Variants in CDCP1 observed in about 807,000 individuals in gnomAD.
CDCP1 encodes the protein CUB domain containing protein 1.
A neutral mutation model predicts 60.2 loss-of-function variants in CDCP1; 29 were observed. That is an observed-to-expected ratio of 0.48 (90% confidence interval 0.36 to 0.66). CDCP1 has a LOEUF of 0.66. Ranked by LOEUF, CDCP1 falls within the 30% of genes least tolerant of loss-of-function variation. CDCP1 has a pLI of 0.00. For synonymous variants in CDCP1, 387 were observed against 431.1 expected (o/e 0.90, Z 1.27); for missense variants, 876 against 1,074.3 (o/e 0.82, Z 2.58).
intron 1 of CDCP1, among the ~76,000 whole-genome samples, chr3:45,121,232 G>A (rs371069175): frequency 1.3e-5 from 2 of 152,266 alleles, no homozygotes; most frequent in East Asian, 1.9e-4. Context: ...TATTCTCAGG[G>A]GCAGAAGTTT....
Position 45,089,184 on chromosome 3 carries a change from G to C in CDCP1, c.1994-43C>G, listed in dbSNP as rs767999906. 4 of 1,523,798 alleles carry C rather than the reference G, an allele frequency of 2.6e-6. No homozygotes were observed. The South Asian group carries it at 4.5e-5, about 17-fold the overall frequency. 94.4% of individuals were successfully genotyped at this position (1,523,798 alleles called of 1,614,324 possible). A position where few individuals can be genotyped will look rare whatever the true frequency, so the allele number is the denominator to read the frequency against. ...AAGAGACAGATGAAGAGGCAGCTGG[G>C]GTGAGCTCTGCAATGAACTTGAGGC... On this transcript the variant is annotated intron_variant, in intron 7 of 8. Coordinates refer to ENST00000296129, the MANE Select transcript of CDCP1 (RefSeq NM_022842.5).
At chr3:45,107,502 G>A (rs561896853) in intron 4 of CDCP1, among the ~76,000 whole-genome samples, 4 of 151,984 alleles carry the variant, frequency 2.6e-5, no homozygotes, top group Admixed American at 6.5e-5. Flanking sequence ...CACCGCGCCC[G>A]GCCCGTGTTG....
chr3:45,092,311 T>C (rs1208494711), intron 6 of CDCP1, among the ~76,000 whole-genome samples: 5 of 152,338 alleles, frequency 3.3e-5, no homozygotes, highest in Middle Eastern at 3.4e-3. Flanking sequence ...TATTGCCCTC[T>C]CCGGGGTGGG....
chr3:45,108,844 C>T (rs1698628706), intron 4 of CDCP1, among the ~76,000 whole-genome samples: 1 of 44,590 alleles, frequency 2.2e-5, no homozygotes, highest in African/African-American at 9.1e-5. Flanking sequence ...TATATATATG[C>T]ATGTATACAT....
intron 1 of CDCP1, among the ~76,000 whole-genome samples, chr3:45,140,366 C>T (rs1265104786): frequency 6.6e-6 from 1 of 152,240 alleles, no homozygotes; most frequent in Non-Finnish European, 1.5e-5. Flanking sequence ...GATCTCCTGT[C>T]ATTGAGGGTA....
At chr3:45,096,804 A>G (rs1345928821) in intron 4 of CDCP1, among the ~76,000 whole-genome samples, 1 of 152,168 alleles carries the variant, frequency 6.6e-6, no homozygotes, top group Non-Finnish European at 1.5e-5. Flanking sequence ...GAGAAAAAAG[A>G]TCTGGAGAGA....
chr3:45,121,071 C>T (rs1001032267), intron 1 of CDCP1, among the ~76,000 whole-genome samples: 1 of 152,194 alleles, frequency 6.6e-6, no homozygotes, highest in Admixed American at 6.5e-5. Context: ...CAAAACAACT[C>T]CATATAAAAC....
chr3:45,125,482 A>G (rs993050795), intron 1 of CDCP1, among the ~76,000 whole-genome samples: 1 of 152,232 alleles, frequency 6.6e-6, no homozygotes, highest in African/African-American at 2.4e-5. Flanking sequence ...CAGGATAATA[A>G]TGAAATTCCT....
At chr3:45,102,297 C>T (rs1698494967) in intron 4 of CDCP1, among the ~76,000 whole-genome samples, 1 of 152,092 alleles carries the variant, frequency 6.6e-6, no homozygotes, top group African/African-American at 2.4e-5. Flanking sequence ...CTTTGAACTC[C>T]TGACATCAGG....
At chr3:45,093,728 A>G in intron 5 of CDCP1, 71 bp from the exon 6 acceptor site, 1 of 1,528,332 alleles carries the variant, frequency 6.5e-7, no homozygotes, top group South Asian at 1.3e-5. Context: ...CTCTCCCGTC[A>G]GCCTGAGGTT....
intron 1 of CDCP1, among the ~76,000 whole-genome samples, chr3:45,128,473 G>A (rs1699037267): frequency 1.3e-5 from 2 of 152,214 alleles, no homozygotes; most frequent in Admixed American, 1.3e-4. Context: ...CCCTCAGTGA[G>A]AGAGACACAA....
chr3:45,095,667 C>A, intron 4 of CDCP1, 99 bp from the exon 5 acceptor site: 2 of 855,144 alleles, frequency 2.3e-6, no homozygotes, highest in Admixed American at 2.0e-5. Flanking sequence ...AAGAAAATGG[C>A]ATATCAGACC....
At chr3:45,089,981 G>C (rs182836110) in intron 7 of CDCP1, among the ~76,000 whole-genome samples, 1 of 152,176 alleles carries the variant, frequency 6.6e-6, no homozygotes, top group African/African-American at 2.4e-5. Flanking sequence ...ACCAAACAGC[G>C]AATTAGAATG....
rs375072935 is a variant in CDCP1, at chr3:45,091,358, C to T, written c.1808G>A (p.Arg603His). 3.7e-5 allele frequency: 60 copies of T among 1,614,042 alleles called. No individual in the cohort carries two copies. The highest frequency in any genetic ancestry group is 5.3e-5 in the African/African-American group (4 of 74,898). ...CTGCTCCTGGATGATCATGAATGCG[C>T]GCCCTGTCTGGCAGACCACGCCGCT... ...ERSGVVCQTG[R>H]AFMIIQEQRT... is the part of the protein sequence containing the mutation. Residue 603 changes from arginine to histidine, a missense_variant, in exon 7 of 9, where the codon CGC becomes CAC. Arg to His is a conservative substitution (Grantham distance 29, BLOSUM62 0). This residue lies in a region of CDCP1 where 726 missense variants were observed against 935.7 expected (regional missense o/e 0.78). Coordinates refer to ENST00000296129, the MANE Select transcript of CDCP1 (RefSeq NM_022842.5). This position sits in a 1 kb window ranked among gnomAD's most constrained non-coding sequence, Gnocchi z 4.8.
intron 1 of CDCP1, among the ~76,000 whole-genome samples, chr3:45,132,645 C>T (rs1223708721): frequency 6.6e-6 from 1 of 152,224 alleles, no homozygotes; most frequent in Non-Finnish European, 1.5e-5. Flanking sequence ...GCCACCTGAC[C>T]TCTCTGAACC....
rs530288037 is a variant in CDCP1, at chr3:45,091,954, C to G, written c.1628-416G>C. 6.6e-6 allele frequency among the ~76,000 whole-genome samples: 1 copy of G among 152,184 alleles called. No individual in the cohort carries two copies. The highest frequency in any genetic ancestry group is 1.9e-4 in the East Asian group (1 of 5,168). ...GACTACAGGCATGAGCCACCATGAC[C>G]GGCTAATTTTTTGTATTTTTAGTAG... On this transcript the variant is annotated intron_variant, in intron 6 of 8. Coordinates refer to ENST00000296129, the MANE Select transcript of CDCP1 (RefSeq NM_022842.5). The surrounding 1 kb of genome is among the most constrained non-coding windows in gnomAD (Gnocchi z 4.8).
At chr3:45,103,183 C>T (rs1419706984) in intron 4 of CDCP1, among the ~76,000 whole-genome samples, 1 of 152,164 alleles carries the variant, frequency 6.6e-6, no homozygotes, top group Non-Finnish European at 1.5e-5. Flanking sequence ...TGATTTCTAT[C>T]ACTGCAGATT....
chr3:45,137,975 C>T (rs1247900912), intron 1 of CDCP1, among the ~76,000 whole-genome samples: 1 of 152,182 alleles, frequency 6.6e-6, no homozygotes, highest in Non-Finnish European at 1.5e-5. Flanking sequence ...AGGTTTCCCT[C>T]CATGGAGATC....
In CDCP1 at chr3:45,110,831, G is replaced by T. The variant is rs1354472884; in HGVS notation, c.666C>A (p.Ile222=). The change falls in exon 4 of 9, where the codon ATC becomes ATA. Residue 222 remains isoleucine, a synonymous_variant. Transcript: ENST00000296129. ...ANRSSIKRLC[I]IESVFEGEGS... ...CTTCACCCTCAAACACAGACTCGAT[G>T]ATGCACAGACCTAGTGGGAGTGGAA... 3 of 1,612,874 alleles carry T rather than the reference G, an allele frequency of 1.9e-6. No individual in the cohort carries two copies. Among genetic ancestry groups the T allele is most frequent in the South Asian group, 2.2e-5 (2 of 90,952 alleles).
Sources: gnomAD v4.1 joint callset for allele counts (sites outside exome capture counted in the v4.1 genomes callset) on GRCh38, gnomAD v4.1.1 for gene constraint, gnomAD v4.1.1 regional missense constraint, Gnocchi (gnomAD v3.1) non-coding constraint, MANE v1.5 for transcripts, NCBI Gene and HGNC (gene_info 2026-07-23, HGNC 2026-07-21) for gene names.